Variants in REPS1 observed in about 807,000 individuals in gnomAD.
The protein encoded by REPS1 is ralBP1-associated Eps domain-containing protein 1.
A neutral mutation model predicts 100.9 loss-of-function variants in REPS1; 39 were observed. The ratio of observed to expected loss-of-function variants is 0.39; its 90% confidence interval spans 0.30 to 0.50. The LOEUF (loss-of-function observed/expected upper bound fraction) is 0.50. Ranked by LOEUF, REPS1 falls within the 20% of genes least tolerant of loss-of-function variation. REPS1 has a pLI of 0.86. For synonymous variants in REPS1, 324 were observed against 340.3 expected (o/e 0.95, Z 0.53); for missense variants, 821 against 968.5 (o/e 0.85, Z 2.02).
intron 1 of REPS1, among the ~76,000 whole-genome samples, chr6:138,968,333 G>A (rs140086776): frequency 1.3e-5 from 2 of 152,336 alleles, no homozygotes; most frequent in African/African-American, 2.4e-5. Flanking sequence ...TGAGTGGTGT[G>A]TCAGTACTTC....
chr6:138,960,236 T>C (rs1414068593), intron 1 of REPS1, among the ~76,000 whole-genome samples: 2 of 152,206 alleles, frequency 1.3e-5, no homozygotes, highest in African/African-American at 2.4e-5. Flanking sequence ...AGAGGCTCTA[T>C]ATAAAACACT....
intron 18 of REPS1, 22 bp downstream of exon 18, chr6:138,908,646 G>C (rs777893667): frequency 1.9e-6 from 3 of 1,611,936 alleles, no homozygotes; most frequent in Non-Finnish European, 2.5e-6. Context: ...AATTAAATGT[G>C]TCTAGGAATA....
Position 138,944,614 on chromosome 6 carries a change from C to A in REPS1, c.637G>T (p.Ala213Ser). 1 of 1,613,234 alleles carries A rather than the reference C, an allele frequency of 6.2e-7. No individual in the cohort carries two copies. Residue 213 changes from alanine (A) to serine (S), a missense_variant, in exon 5 of 20, where the codon GCT becomes TCT. Physicochemically the swap from Ala to Ser is moderately conservative, Grantham distance 99 (BLOSUM62 1). Around this residue, in one of 3 missense-constraint regions of REPS1, gnomAD observed 757 missense variants for 866.4 expected, o/e 0.87. Coordinates refer to ENST00000450536, the MANE Select transcript of REPS1 (RefSeq NM_001286611.2). Reference protein sequence around the residue: ...PFGEAQSGSSAGDAVWSGHSP... With the variant: ...PFGEAQSGSSSGDAVWSGHSP... The stretch of plus-strand genomic sequence containing the variant: ...TGCCCTGACCACACTGCATCACCAG[C>A]AGAAGAACCTATAAGGAGAATGGGT...
chr6:138,954,719 T>C (rs1783263804), intron 1 of REPS1, among the ~76,000 whole-genome samples: 1 of 152,154 alleles, frequency 6.6e-6, no homozygotes, highest in Admixed American at 6.5e-5. Context: ...TAAAAGGTGA[T>C]TACATAAGAC....
intron 1 of REPS1, among the ~76,000 whole-genome samples, chr6:138,950,633 T>G (rs953398723): frequency 6.6e-6 from 1 of 152,238 alleles, no homozygotes. Flanking sequence ...TAACCCAGTG[T>G]TTTAATTACT....
At chr6:138,954,884 T>G (rs1302976396) in intron 1 of REPS1, among the ~76,000 whole-genome samples, 1 of 152,168 alleles carries the variant, frequency 6.6e-6, no homozygotes, top group African/African-American at 2.4e-5. Flanking sequence ...CAAGCACACA[T>G]AATACATACA....
chr6:138,945,737 G>T, intron 2 of REPS1, 40 bp from the exon 3 acceptor site: 3 of 1,416,130 alleles, frequency 2.1e-6, no homozygotes, highest in Non-Finnish European at 1.9e-6. Context: ...AAATAAAAAA[G>T]GACATATATA....
At position 138,908,687 on chromosome 6, in the gene REPS1, A is replaced by G. The variant is rs751960272; in HGVS notation, c.2197T>C (p.Ser733Pro). ...KTGVLAAVLA[S>P]QPSIPRSVGK... Reference sequence around the variant, plus strand: ...GATTACCTGGGAATAGAAGGTTGTGATGCAAGAACAGCAGCTAAGACACCC... The same window carrying G: ...GATTACCTGGGAATAGAAGGTTGTGGTGCAAGAACAGCAGCTAAGACACCC... Residue 733 changes from serine to proline, a missense_variant, in exon 18 of 20, where the codon TCA (serine) becomes CCA (proline). Coordinates refer to ENST00000450536, the MANE Select transcript of REPS1 (RefSeq NM_001286611.2). 6.2e-7 allele frequency: 1 copy of G among 1,614,144 alleles called. No individual in the cohort carries two copies. Among genetic ancestry groups the G allele is most frequent in the Admixed American group, 1.7e-5 (1 of 60,022 alleles).
chr6:138,960,151 T>C (rs1053496157), intron 1 of REPS1, among the ~76,000 whole-genome samples: 3 of 152,174 alleles, frequency 2.0e-5, no homozygotes, highest in African/African-American at 7.2e-5. Context: ...TTTTAAAAAA[T>C]CTTACCATCT....
intron 15 of REPS1, among the ~76,000 whole-genome samples, chr6:138,914,232 G>A (rs1284254688): frequency 6.7e-6 from 1 of 148,378 alleles, no homozygotes; most frequent in Non-Finnish European, 1.5e-5. Flanking sequence ...ACCACACCCA[G>A]CTAATTTTTT....
intron 1 of REPS1, among the ~76,000 whole-genome samples, chr6:138,963,194 A>C (rs1278800137): frequency 6.6e-6 from 1 of 152,130 alleles, no homozygotes; most frequent in Non-Finnish European, 1.5e-5. Context: ...CTTAAGACCT[A>C]CTTCCTTCCT....
At chr6:138,962,061 G>A (rs955680757) in intron 1 of REPS1, among the ~76,000 whole-genome samples, 29 of 152,170 alleles carry the variant, frequency 1.9e-4, no homozygotes, top group Admixed American at 5.9e-4. Flanking sequence ...AAGTGCTAGT[G>A]TGGAGTCAAA....
chr6:138,951,866 A>G (rs1582812530), intron 1 of REPS1, among the ~76,000 whole-genome samples: 1 of 152,126 alleles, frequency 6.6e-6, no homozygotes, highest in African/African-American at 2.4e-5. Context: ...CATTCTTTTA[A>G]TCTCCTTTCT....
At chr6:138,954,688 T>A (rs1783261231) in intron 1 of REPS1, among the ~76,000 whole-genome samples, 1 of 152,176 alleles carries the variant, frequency 6.6e-6, no homozygotes, top group African/African-American at 2.4e-5. Flanking sequence ...CAATTATTAA[T>A]TCTTTTAAAT....
rs1437392530 is a variant in REPS1, at chr6:138,903,705, A to C, written c.*1359T>G. On this transcript the variant is annotated 3_prime_UTR_variant, in exon 20 of 20. Transcript: ENST00000450536. ...AAGACACTCAGAAAAACAGGTGTTG[A>C]GTAGTTTCCTGGGCCTTTAATGCTT... The C allele has an allele frequency of 6.6e-6, 1 of 152,208 alleles. No individual in the cohort carries two copies. Among genetic ancestry groups the C allele is most frequent in the Non-Finnish European group, 1.5e-5 (1 of 68,026 alleles). The allele number at this position is 152,208 out of a possible 1,614,324, so 9.4% of individuals were successfully genotyped here. A position where few individuals can be genotyped will look rare whatever the true frequency, so the allele number is the denominator to read the frequency against.
chr6:138,906,719 G>C (rs1174548045), intron 19 of REPS1, among the ~76,000 whole-genome samples: 1 of 152,208 alleles, frequency 6.6e-6, no homozygotes, highest in Non-Finnish European at 1.5e-5. Flanking sequence ...GGCCAACAGT[G>C]CTCCAGCATC....
intron 1 of REPS1, among the ~76,000 whole-genome samples, chr6:138,957,734 G>C (rs924502178): frequency 1.3e-5 from 2 of 152,130 alleles, no homozygotes; most frequent in Admixed American, 6.6e-5. Flanking sequence ...GGCTATGAAG[G>C]CAAACTGTGA....
chr6:138,954,960 G>A (rs779851715), intron 1 of REPS1, among the ~76,000 whole-genome samples: 12 of 151,876 alleles, frequency 7.9e-5, no homozygotes, highest in Non-Finnish European at 1.2e-4. Context: ...TTCTCTATCC[G>A]CATACATCTT....
chr6:138,971,639 G>A (rs562947222), intron 1 of REPS1, among the ~76,000 whole-genome samples: 1 of 152,268 alleles, frequency 6.6e-6, no homozygotes, highest in Non-Finnish European at 1.5e-5. Flanking sequence ...AAGGGAGGGA[G>A]GGGAAAGCAG....
Sources: allele counts gnomAD v4.1 joint callset (sites outside exome capture counted in the v4.1 genomes callset), GRCh38; gene constraint gnomAD v4.1.1; regional missense constraint gnomAD v4.1.1; transcripts MANE v1.5; gene names NCBI Gene and HGNC (gene_info 2026-07-23, HGNC 2026-07-21).